The following CDH7 variants were observed in gnomAD, a reference collection of about 807,000 sequenced individuals.
CDH7 encodes the protein cadherin 7, also known as cadherin-7.
In CDH7, 25 loss-of-function variants were observed where a neutral mutation model predicts 71.8. The ratio of observed to expected loss-of-function variants is 0.35; its 90% CI spans 0.25 to 0.49. The LOEUF (loss-of-function observed/expected upper bound fraction) is 0.49. CDH7 is among the 20% of genes least tolerant of loss of function. The probability of loss-of-function intolerance (pLI) is 0.99; values close to 1 mark genes in which losing one functional copy is unlikely to be tolerated. For synonymous variants in CDH7, 381 were observed against 363.8 expected (o/e 1.05, Z -0.54); for missense variants, 862 against 974.6 (o/e 0.88, Z 1.54).
rs367829639 is a variant in CDH7 at position 65,858,989 on chromosome 18, C to G, written c.1437C>G (p.Ala479=). The G allele has an allele frequency of 2.5e-5, 41 of 1,613,110 alleles. No individual in the cohort carries two copies. The highest frequency in any genetic ancestry group is 3.3e-4 in the Middle Eastern group (2 of 6,058). The change falls in exon 9 of 12, where the codon GCC becomes GCG. Residue 479 remains alanine (A), a synonymous_variant. Transcript: ENST00000397968. ...CTATACTTGACATCAATGATAACGC[C>G]CCTGAATTTGCCATGGACTATGAGA... ...AITILDINDN[A]PEFAMDYETT... is the part of the protein sequence containing the mutation.
intron 6 of CDH7, among the ~76,000 whole-genome samples, chr18:65,836,087 G>T (rs1339165368): frequency 6.6e-6 from 1 of 152,100 alleles, no homozygotes; most frequent in African/African-American, 2.4e-5. Context: ...TGCAGCTTTT[G>T]GACACTGGAA....
chr18:65,794,433 G>T (rs1298032369), intron 2 of CDH7, among the ~76,000 whole-genome samples: 1 of 152,006 alleles, frequency 6.6e-6, no homozygotes, highest in East Asian at 1.9e-4. Context: ...AGTATAAATT[G>T]CTGTGCTGTT....
intron 4 of CDH7, among the ~76,000 whole-genome samples, chr18:65,817,953 A>T (rs780648610): frequency 2.0e-5 from 3 of 152,182 alleles, no homozygotes; most frequent in Non-Finnish European, 4.4e-5. Context: ...TTTAAATTTG[A>T]AACTTCTTTG....
chr18:65,822,558 G>T (rs544550320), intron 5 of CDH7, among the ~76,000 whole-genome samples: 1 of 38,776 alleles, frequency 2.6e-5, no homozygotes, highest in Non-Finnish European at 1.5e-4. Flanking sequence ...TTTTTTCTAA[G>T]AATTACTCTT....
chr18:65,799,615 G>T (rs561488969), intron 2 of CDH7, among the ~76,000 whole-genome samples: 12 of 152,128 alleles, frequency 7.9e-5, no homozygotes, highest in African/African-American at 2.9e-4. Context: ...GGCGGAGCTT[G>T]CAGTGAGCTG....
At chr18:65,867,995 G>T (rs1300700496) in intron 11 of CDH7, among the ~76,000 whole-genome samples, 1 of 152,032 alleles carries the variant, frequency 6.6e-6, no homozygotes, top group Non-Finnish European at 1.5e-5. Context: ...GGCTATTCAT[G>T]ATTTTTTTCC....
chr18:65,871,747 A>C (rs1913934112), intron 11 of CDH7, among the ~76,000 whole-genome samples: 1 of 152,242 alleles, frequency 6.6e-6, no homozygotes, highest in Non-Finnish European at 1.5e-5. Flanking sequence ...AGTTGTTATC[A>C]GTAAAGGAAG....
chr18:65,846,879 T>TATTA (rs1199843652), intron 7 of CDH7, among the ~76,000 whole-genome samples: 3 of 152,164 alleles, frequency 2.0e-5, no homozygotes, highest in Non-Finnish European at 4.4e-5. Context: ...ATGACTTGAA[T>TATTA]ATTACCATGT....
chr18:65,793,389 C>G (rs551752648), intron 2 of CDH7, among the ~76,000 whole-genome samples: 1 of 149,860 alleles, frequency 6.7e-6, no homozygotes, highest in African/African-American at 2.5e-5. Context: ...CCACTGTACT[C>G]CAGCCAGGGT....
At chr18:65,763,971 G>T (rs1916280543) in intron 2 of CDH7, among the ~76,000 whole-genome samples, 2 of 151,996 alleles carry the variant, frequency 1.3e-5, no homozygotes, top group African/African-American at 2.4e-5. Context: ...CTGAGTCCTG[G>T]TGAAGGTTTT....
intron 2 of CDH7, among the ~76,000 whole-genome samples, chr18:65,772,052 A>G (rs967063312): frequency 1.3e-5 from 2 of 152,306 alleles, no homozygotes; most frequent in Admixed American, 1.3e-4. Flanking sequence ...TGCTTCCCTT[A>G]GAATGTTTGC....
At position 65,805,720 on chromosome 18, in the gene CDH7, A is replaced by G. The variant is rs541413903; in HGVS notation, c.211-3984A>G. 2.9e-4 allele frequency among the ~76,000 whole-genome samples: 44 copies of G among 152,314 alleles called. No individual in the cohort carries two copies. In the South Asian group the frequency reaches 8.3e-3, roughly 29 times the overall value. Reference sequence around the variant, plus strand: ...GGCCATGCCCAGGGGCCGATCCATCATGAAAGTCCTTCAGGCTAACATTGT... The same window carrying G: ...GGCCATGCCCAGGGGCCGATCCATCGTGAAAGTCCTTCAGGCTAACATTGT... On this transcript the variant is annotated intron_variant, in intron 2 of 11. Transcript: ENST00000397968.
intron 2 of CDH7, among the ~76,000 whole-genome samples, chr18:65,782,448 T>G (rs923565816): frequency 6.6e-6 from 1 of 152,036 alleles, no homozygotes; most frequent in Non-Finnish European, 1.5e-5. Flanking sequence ...ATGAGGCACC[T>G]CACTCAGCCG....
At chr18:65,790,146 A>G (rs1369069972) in intron 2 of CDH7, among the ~76,000 whole-genome samples, 2 of 148,364 alleles carry the variant, frequency 1.3e-5, no homozygotes, top group Non-Finnish European at 3.0e-5. Flanking sequence ...GCGTGAACCC[A>G]GGAGGCAGAG....
At position 65,852,077 on chromosome 18, in the gene CDH7, G is replaced by T. The variant is rs186286013; in HGVS notation, c.1236-5739G>T. ...CAACATGAGAAAAGGCACAGAATTG[G>T]AGATGTGTGTGGTATATTTGTTCAC... On this transcript the variant is annotated intron_variant, in intron 7 of 11. Transcript: ENST00000397968. Among the ~76,000 whole-genome samples, 36 of 152,248 alleles carry T rather than the reference G, an allele frequency of 2.4e-4. 1 individual carries two copies. Among genetic ancestry groups the T allele is most frequent in the Admixed American group, 2.2e-3 (34 of 15,288 alleles).
chr18:65,792,816 C>T (rs1030172936), intron 2 of CDH7, among the ~76,000 whole-genome samples: 1 of 152,170 alleles, frequency 6.6e-6, no homozygotes, highest in Non-Finnish European at 1.5e-5. Flanking sequence ...TACCCAATTA[C>T]ATCAAGCATT....
At chr18:65,782,188 T>A (rs201382745) in intron 2 of CDH7, among the ~76,000 whole-genome samples, 6,287 of 71,410 alleles carry the variant, frequency 0.088, 1,195 homozygotes, top group Middle Eastern at 0.15. Context: ...CTTTCTTTCT[T>A]GACAGAGTCT....
At chr18:65,790,685 A>T (rs1910682304) in intron 2 of CDH7, among the ~76,000 whole-genome samples, 1 of 152,190 alleles carries the variant, frequency 6.6e-6, no homozygotes, top group Non-Finnish European at 1.5e-5. Context: ...CCTGGCTAAC[A>T]TTGTGAAATC....
rs541333462 is a variant in CDH7, at chr18:65,850,807, TTTA to T, written c.1235+6745_1235+6747del. Among the ~76,000 whole-genome samples the T allele has an allele frequency of 3.2e-3, 483 of 149,856 alleles. 3 individuals carry two copies. Among genetic ancestry groups the T allele is most frequent in the African/African-American group, 0.011 (460 of 40,054 alleles). On this transcript the variant is annotated intron_variant, in intron 7 of 11. Transcript: ENST00000397968. ...TAAGCTCAGAAATCAATAGTTCATT[TTTA>T]TTCTTTTTTTTTTTTTTTTGAGACA...
Sources: gnomAD v4.1 joint callset for allele counts (sites outside exome capture counted in the v4.1 genomes callset) on GRCh38, gnomAD v4.1.1 for gene constraint, MANE v1.5 for transcripts, NCBI Gene and HGNC (gene_info 2026-07-23, HGNC 2026-07-21) for gene names.